RNF38: variants seen among roughly 807,000 people sequenced by gnomAD.
RNF38 encodes the protein ring finger protein 38.
RNF38 carries 15 observed loss-of-function variants against 67.2 expected under a neutral mutation model. That is an observed-to-expected ratio of 0.22 (90% CI 0.15 to 0.34). The LOEUF (loss-of-function observed/expected upper bound fraction) is 0.34. RNF38 is among the 10% of genes least tolerant of loss of function. The pLI is 1.00. For synonymous variants in RNF38, 220 were observed against 218.8 expected (o/e 1.01, Z -0.05); for missense variants, 524 against 639.9 (o/e 0.82, Z 1.95).
Position 36,400,208 on chromosome 9 carries a change from A to T in RNF38, c.-100T>A. 1 of 1,524,976 alleles carries T rather than the reference A, an allele frequency of 6.6e-7. No individual in the cohort carries two copies. Among genetic ancestry groups the T allele is most frequent in the Non-Finnish European group, 8.8e-7 (1 of 1,138,056 alleles). The allele number at this position is 1,524,976 out of a possible 1,614,324, so 94.5% of individuals were successfully genotyped here. On this transcript the variant is annotated 5_prime_UTR_variant, in exon 1 of 12. Transcript: ENST00000259605. The stretch of plus-strand genomic sequence containing the variant: ...CTCTCACGCTTCAACCCTGAAAGGA[A>T]GAACTTGCATCCCCTGAGAACAAAA...
intron 1 of RNF38, among the ~76,000 whole-genome samples, chr9:36,393,674 C>T (rs534536831): frequency 4.6e-5 from 7 of 151,920 alleles, no homozygotes. Context: ...GGAGGAAAGA[C>T]GTTCAGATGT....
chr9:36,400,565 G>A (rs1837939317), upstream of RNF38: 6 of 987,678 alleles, frequency 6.1e-6, no homozygotes, highest in Non-Finnish European at 7.2e-6. Flanking sequence ...TGCGAGGGGA[G>A]GCTCCGCCCT....
At chr9:36,374,280 G>C (rs1835615225) in intron 3 of RNF38, among the ~76,000 whole-genome samples, 1 of 152,178 alleles carries the variant, frequency 6.6e-6, no homozygotes, top group Non-Finnish European at 1.5e-5. Flanking sequence ...GATCCCTTCT[G>C]CATTAGCCCG....
At position 36,337,801 on chromosome 9, in the gene RNF38, G is replaced by A. The variant is rs1361241370; in HGVS notation, c.*1951C>T. ...AAAGTAACATGTGCATTAACCATGT[G>A]CATTTTTACCACTATTTAGAAGTAT... On this transcript the variant is annotated 3_prime_UTR_variant, in exon 12 of 12. Coordinates refer to ENST00000259605, the MANE Select transcript of RNF38 (RefSeq NM_022781.5). 6.6e-6 allele frequency: 1 copy of A among 152,592 alleles called. No individual in the cohort carries two copies. Among genetic ancestry groups the A allele is most frequent in the Non-Finnish European group, 1.5e-5 (1 of 68,032 alleles). The allele number at this position is 152,592 out of a possible 1,614,324, so 9.5% of individuals were successfully genotyped here. A position where few individuals can be genotyped will look rare whatever the true frequency, so the allele number is the denominator to read the frequency against.
In RNF38 at chr9:36,407,281, T is replaced by C. The variant is rs562566937; in HGVS notation, n.313-16665A>G. ...TCCACTGAAAGCCTCCCATATTATA[T>C]AGCCACTTATCCAGCTTTGAGGTGA... On this transcript the variant is annotated intron_variant and non_coding_transcript_variant, in intron 2 of 3. Coordinates refer to the RNF38 transcript ENST00000488058. Among the ~76,000 whole-genome samples the C allele has an allele frequency of 6.6e-5, 10 of 151,814 alleles. No homozygotes were observed. In the South Asian group the frequency reaches 1.9e-3, roughly 28 times the overall value.
chr9:36,339,411 C>T lies in RNF38; in HGVS notation c.*341G>A, dbSNP rs1229743883. The T allele has an allele frequency of 1.1e-5, 3 of 271,628 alleles. No homozygotes were observed. The highest frequency in any genetic ancestry group is 2.2e-5 in the African/African-American group (1 of 46,498). 16.8% of individuals were successfully genotyped at this position (271,628 alleles called of 1,614,324 possible). A position where few individuals can be genotyped will look rare whatever the true frequency, so the allele number is the denominator to read the frequency against. ...TAGATTGCTATATCATCTGTAGCTA[C>T]CACTTTTTATAAAAGCACATGCTAA... On this transcript the variant is annotated 3_prime_UTR_variant, in exon 12 of 12. Coordinates refer to ENST00000259605, the MANE Select transcript of RNF38 (RefSeq NM_022781.5).
At position 36,336,894 on chromosome 9, in the gene RNF38, T is replaced by G. The variant is rs572127625; in HGVS notation, c.*2858A>C. ...TATAAAATCTAAATATGCTTTCACA[T>G]TTTCCAGATTTTGCTCAAAAAATTA... On this transcript the variant is annotated 3_prime_UTR_variant, in exon 12 of 12. Transcript: ENST00000259605. 6.6e-6 allele frequency: 1 copy of G among 152,286 alleles called. No individual in the cohort carries two copies. The highest frequency in any genetic ancestry group is 2.1e-4 in the South Asian group (1 of 4,820). The allele number at this position is 152,286 out of a possible 1,614,324, so 9.4% of individuals were successfully genotyped here.
At chr9:36,459,192 G>C (rs1839665622) in intron 1 of RNF38, among the ~76,000 whole-genome samples, 1 of 150,402 alleles carries the variant, frequency 6.6e-6, no homozygotes, top group South Asian at 2.1e-4. Context: ...TGGTGACAGA[G>C]CGAGACTCTG....
chr9:36,342,975 A>C (rs1331540814), intron 10 of RNF38, among the ~76,000 whole-genome samples: 1 of 152,220 alleles, frequency 6.6e-6, no homozygotes, highest in Non-Finnish European at 1.5e-5. Context: ...GCAGATGTTC[A>C]AATCCTTTAT....
chr9:36,349,093 T>A (rs1833513975), intron 9 of RNF38, among the ~76,000 whole-genome samples: 1 of 152,220 alleles, frequency 6.6e-6, no homozygotes, highest in South Asian at 2.1e-4. Flanking sequence ...ACAAAACGTC[T>A]GTTTACAGTA....
intron 1 of RNF38, among the ~76,000 whole-genome samples, chr9:36,441,408 C>A (rs1402971786): frequency 1.3e-5 from 2 of 151,626 alleles, no homozygotes; most frequent in African/African-American, 2.4e-5. Context: ...CTCACTGCAA[C>A]CTCCGCCTCC....
chr9:36,337,665 AAAG>A lies in RNF38; in HGVS notation c.*2084_*2086del, dbSNP rs1261674125. ...TTAAACATGATTTTTTTTCATTAAA[AAAG>A]ATTAAACTATATGTGATTTGTATGT... is the stretch of plus-strand genomic sequence containing the variant. On this transcript the variant is annotated 3_prime_UTR_variant, in exon 12 of 12. Coordinates refer to ENST00000259605, the MANE Select transcript of RNF38 (RefSeq NM_022781.5). 14 of 152,644 alleles carry A rather than the reference AAAG, an allele frequency of 9.2e-5. No homozygotes were observed. Among genetic ancestry groups the A allele is most frequent in the Non-Finnish European group, 1.6e-4 (11 of 68,038 alleles). The allele number at this position is 152,644 out of a possible 1,614,324, so 9.5% of individuals were successfully genotyped here. A position where few individuals can be genotyped will look rare whatever the true frequency, so the allele number is the denominator to read the frequency against.
chr9:36,364,046 G>GT (rs568466778), intron 4 of RNF38, among the ~76,000 whole-genome samples: 3,073 of 56,694 alleles, frequency 0.054, 159 homozygotes, highest in Non-Finnish European at 0.069. Flanking sequence ...GGCCAGGCTG[G>GT]CTCGAACTCT....
chr9:36,390,508 T>C lies in RNF38; in HGVS notation c.121A>G (p.Thr41Ala), dbSNP rs1391944707. Residue 41 changes from threonine to alanine, a missense_variant, in exon 2 of 12, where the codon ACT becomes GCT. Physicochemically the swap from Thr to Ala is moderately conservative, Grantham distance 58. Coordinates refer to ENST00000259605, the MANE Select transcript of RNF38 (RefSeq NM_022781.5). The stretch of plus-strand genomic sequence containing the variant: ...AAGTGAGCATCCTCTTGAACGGTAG[T>C]GTTCTGATCACTTGGGAGGAGAGGG... ...LFPLLPSDQN[T>A]TVQEDAHFKA... The C allele has an allele frequency of 3.1e-6, 5 of 1,614,136 alleles. No homozygotes were observed. Among genetic ancestry groups the C allele is most frequent in the Non-Finnish European group, 4.2e-6 (5 of 1,179,984 alleles).
rs1451937829 is a variant in RNF38, at chr9:36,337,490, T to C, written c.*2262A>G. ...ACTCCTAGTCATTAGTACAATGTGC[T>C]GTGTTAATTAGATACCTCTATATAA... On this transcript the variant is annotated 3_prime_UTR_variant, in exon 12 of 12. Coordinates refer to ENST00000259605, the MANE Select transcript of RNF38 (RefSeq NM_022781.5). The C allele has an allele frequency of 1.3e-5, 2 of 152,796 alleles. No individual in the cohort carries two copies. Among genetic ancestry groups the C allele is most frequent in the Non-Finnish European group, 2.9e-5 (2 of 68,032 alleles). The allele number at this position is 152,796 out of a possible 1,614,324, so 9.5% of individuals were successfully genotyped here. A position where few individuals can be genotyped will look rare whatever the true frequency, so the allele number is the denominator to read the frequency against.
chr9:36,444,919 C>CTTTTTTT (rs34369319), intron 1 of RNF38, among the ~76,000 whole-genome samples: 1 of 133,426 alleles, frequency 7.5e-6, no homozygotes, highest in South Asian at 2.4e-4. Context: ...GAGCCATTCT[C>CTTTTTTT]TTTTTTTTTT....
In RNF38 at chr9:36,483,756, AC is replaced by A. The variant is rs375031377; in HGVS notation, n.241+3551del. Reference sequence around the variant, plus strand: ...TCTCTTAAGACATAATGACATGTTTACCTTTGGGGGTTTTACTTTCTCCAAA... The same window carrying A: ...TCTCTTAAGACATAATGACATGTTTACTTTGGGGGTTTTACTTTCTCCAAA... On this transcript the variant is annotated intron_variant and non_coding_transcript_variant, in intron 1 of 3. Coordinates refer to the RNF38 transcript ENST00000488058. Among the ~76,000 whole-genome samples, 109 of 152,298 alleles carry A rather than the reference AC, an allele frequency of 7.2e-4. 2 individuals are homozygous for A. In the South Asian group the frequency reaches 0.021, roughly 30 times the overall value.
At chr9:36,378,547 T>C (rs1835954738) in intron 2 of RNF38, among the ~76,000 whole-genome samples, 1 of 152,154 alleles carries the variant, frequency 6.6e-6, no homozygotes, top group African/African-American at 2.4e-5. Context: ...ATACCCCACA[T>C]TGTATATCCT....
intron 11 of RNF38, among the ~76,000 whole-genome samples, chr9:36,340,185 G>T (rs1352739964): frequency 6.6e-6 from 1 of 152,110 alleles, no homozygotes. Flanking sequence ...CACCATGTTG[G>T]TCAGGCTGGT....
Sources: gnomAD v4.1 joint callset for allele counts (sites outside exome capture counted in the v4.1 genomes callset) on GRCh38, gnomAD v4.1.1 for gene constraint, MANE v1.5 for transcripts, NCBI Gene and HGNC (gene_info 2026-07-23, HGNC 2026-07-21) for gene names.